ST6GALNAC3: variants seen among roughly 807,000 people sequenced by gnomAD.
ST6GALNAC3 encodes alpha-N-acetylgalactosaminide alpha-2,6-sialyltransferase 3.
Under a neutral mutation model 32.7 loss-of-function variants are expected in ST6GALNAC3, and 25 were observed. That is an observed-to-expected ratio of 0.76 (90% CI 0.56 to 1.07). The LOEUF is 1.07. Ranked by LOEUF, ST6GALNAC3 falls within the 50% of genes least tolerant of loss-of-function variation. The probability of loss-of-function intolerance (pLI) is 0.00; values close to 1 mark genes in which losing one functional copy is unlikely to be tolerated. For synonymous variants in ST6GALNAC3, 129 were observed against 133.1 expected, an observed-to-expected ratio of 0.97 and a Z score of 0.21; for missense variants, 355 against 382.4, an observed-to-expected ratio of 0.93 and a Z score of 0.60.
At chr1:76,435,853 T>C (rs1656101774) in intron 3 of ST6GALNAC3, among the ~76,000 whole-genome samples, 1 of 114,326 alleles carries the variant, frequency 8.7e-6, no homozygotes, top group Non-Finnish European at 1.9e-5. Context: ...AATCTTTTCT[T>C]TTTTTATTTT....
At chr1:76,442,257 A>G (rs528644012) in intron 3 of ST6GALNAC3, among the ~76,000 whole-genome samples, 1 of 152,344 alleles carries the variant, frequency 6.6e-6, no homozygotes, top group South Asian at 2.1e-4. Flanking sequence ...AGATTGATTC[A>G]GTCCTCTACC....
chr1:76,280,173 A>G (rs990296711), intron 1 of ST6GALNAC3, among the ~76,000 whole-genome samples: 11 of 151,214 alleles, frequency 7.3e-5, no homozygotes, highest in Non-Finnish European at 1.6e-4. Context: ...TTTCCAACCC[A>G]CCCTTTGCTA....
chr1:76,575,402 A>G (rs1356689012), intron 3 of ST6GALNAC3, among the ~76,000 whole-genome samples: 4 of 152,108 alleles, frequency 2.6e-5, no homozygotes, highest in African/African-American at 9.7e-5. Flanking sequence ...TTCACCAAAC[A>G]TGCATTGAGC....
chr1:76,561,148 C>T (rs1043973082), intron 3 of ST6GALNAC3, among the ~76,000 whole-genome samples: 38 of 151,988 alleles, frequency 2.5e-4, no homozygotes, highest in East Asian at 1.9e-4. Context: ...ATCTAGAAAC[C>T]AAAGGAATAG....
intron 1 of ST6GALNAC3, among the ~76,000 whole-genome samples, chr1:76,110,100 C>G (rs1647817281): frequency 6.6e-6 from 1 of 152,246 alleles, no homozygotes; most frequent in Non-Finnish European, 1.5e-5. Flanking sequence ...TCCTCTTTCA[C>G]AGCCCTGCTT....
intron 2 of ST6GALNAC3, among the ~76,000 whole-genome samples, chr1:76,356,474 A>G (rs1490974554): frequency 6.7e-6 from 1 of 148,522 alleles, no homozygotes; most frequent in Non-Finnish European, 1.5e-5. Context: ...TTTACATGCC[A>G]GTGCAGGAAC....
chr1:76,466,789 A>T (rs1057050464), intron 3 of ST6GALNAC3, among the ~76,000 whole-genome samples: 1 of 152,084 alleles, frequency 6.6e-6, no homozygotes, highest in Non-Finnish European at 1.5e-5. Flanking sequence ...CTAATTGGCA[A>T]CGTTTAAAAT....
rs772659772 is a variant in ST6GALNAC3 at position 76,313,953 on chromosome 1, G to A, written c.167G>A (p.Arg56Gln). Residue 56 changes from arginine (R) to glutamine (Q), a missense_variant, in exon 2 of 5, where the codon CGG becomes CAG. Transcript: ENST00000328299. ...KWIPFSYTYR[R>Q]PLRTHYGYIN... ...ATACCATTCTCCTACACATACAGGCGGCCCCTTCGAACTCACTATGGATAC... is the reference window on the plus strand; with the variant it reads ...ATACCATTCTCCTACACATACAGGCAGCCCCTTCGAACTCACTATGGATAC... 35 of 1,613,052 alleles carry A rather than the reference G, an allele frequency of 2.2e-5. No homozygotes were observed. The highest frequency in any genetic ancestry group is 2.7e-5 in the African/African-American group (2 of 74,800).
At chr1:76,501,284 C>T (rs1661161506) in intron 3 of ST6GALNAC3, among the ~76,000 whole-genome samples, 1 of 152,176 alleles carries the variant, frequency 6.6e-6, no homozygotes, top group South Asian at 2.1e-4. Context: ...TGTCCATTCT[C>T]CTCTGGAGCC....
intron 2 of ST6GALNAC3, among the ~76,000 whole-genome samples, chr1:76,367,836 T>G (rs1046815698): frequency 8.5e-5 from 13 of 152,152 alleles, no homozygotes. Context: ...CCCCAGTACC[T>G]TGGATAAAAA....
At chr1:76,463,515 T>C (rs1284473362) in intron 3 of ST6GALNAC3, among the ~76,000 whole-genome samples, 1 of 152,164 alleles carries the variant, frequency 6.6e-6, no homozygotes, top group Non-Finnish European at 1.5e-5. Flanking sequence ...TTGAAAATGC[T>C]CTTCTTAAAA....
chr1:76,628,947 A>G lies in ST6GALNAC3; in HGVS notation c.*141A>G, dbSNP rs1649153117. Reference sequence around the variant, plus strand: ...AGTTCCTGTACACTCTCAGATGTGGATGGTGACTCTGCTAGTAATTTAAAC... The same window carrying G: ...AGTTCCTGTACACTCTCAGATGTGGGTGGTGACTCTGCTAGTAATTTAAAC... On this transcript the variant is annotated 3_prime_UTR_variant, in exon 5 of 5. Transcript: ENST00000328299. The G allele has an allele frequency of 6.8e-7, 1 of 1,464,182 alleles. No individual in the cohort carries two copies. The highest frequency in any genetic ancestry group is 8.9e-7 in the Non-Finnish European group (1 of 1,118,490). The allele number at this position is 1,464,182 out of a possible 1,614,324, so 90.7% of individuals were successfully genotyped here. A position where few individuals can be genotyped will look rare whatever the true frequency, so the allele number is the denominator to read the frequency against.
intron 3 of ST6GALNAC3, among the ~76,000 whole-genome samples, chr1:76,474,543 T>A (rs1009750661): frequency 5.3e-5 from 8 of 152,180 alleles, no homozygotes; most frequent in Non-Finnish European, 7.4e-5. Context: ...TATTTCTTGA[T>A]GTGATACCAC....
At chr1:76,457,717 T>G (rs1450633123) in intron 3 of ST6GALNAC3, among the ~76,000 whole-genome samples, 1 of 152,132 alleles carries the variant, frequency 6.6e-6, no homozygotes, top group African/African-American at 2.4e-5. Context: ...TCCTTACACC[T>G]TATACAAAAA....
At chr1:76,110,876 G>A (rs1647882374) in intron 1 of ST6GALNAC3, among the ~76,000 whole-genome samples, 1 of 152,212 alleles carries the variant, frequency 6.6e-6, no homozygotes, top group Non-Finnish European at 1.5e-5. Context: ...TAGTGTCTGG[G>A]AACCTAAGCC....
At chr1:76,107,368 AGAAG>A (rs1340293390) in intron 1 of ST6GALNAC3, among the ~76,000 whole-genome samples, 1 of 150,058 alleles carries the variant, frequency 6.7e-6, no homozygotes, top group Non-Finnish European at 1.5e-5. Context: ...CATTTCACTG[AGAAG>A]GAATGGTGGC....
At chr1:76,586,512 CTAT>C (rs1269133387) in intron 3 of ST6GALNAC3, among the ~76,000 whole-genome samples, 14 of 152,198 alleles carry the variant, frequency 9.2e-5, no homozygotes, top group Admixed American at 9.2e-4. Flanking sequence ...TCTCCTACTC[CTAT>C]TATCACTCAT....
In ST6GALNAC3 at chr1:76,074,830, G is replaced by A. The variant is rs1256106432; in HGVS notation, c.-37G>A. The A allele has an allele frequency of 6.4e-7, 1 of 1,571,346 alleles. No homozygotes were observed. The highest frequency in any genetic ancestry group is 1.2e-5 in the South Asian group (1 of 85,406). On this transcript the variant is annotated 5_prime_UTR_variant, in exon 1 of 5. Transcript: ENST00000328299. ...CCAGGACTGCCCCTGACCCAGGCGC[G>A]CCCGCTGCTCGGTGGCAGGAGGGCC...
At chr1:76,583,921 C>T (rs1219528911) in intron 3 of ST6GALNAC3, among the ~76,000 whole-genome samples, 2 of 152,154 alleles carry the variant, frequency 1.3e-5, no homozygotes, top group Admixed American at 6.6e-5. Context: ...CAAAGATCTC[C>T]ATATTTTTTT....
Sources: allele counts gnomAD v4.1 joint callset (sites outside exome capture counted in the v4.1 genomes callset), GRCh38; gene constraint gnomAD v4.1.1; transcripts MANE v1.5; gene names NCBI Gene and HGNC (gene_info 2026-07-23, HGNC 2026-07-21).